The following NOX4 variants were observed in gnomAD, a reference collection of about 807,000 sequenced individuals.
NOX4 encodes the protein NADPH oxidase 4.
Under a neutral mutation model 87.6 loss-of-function variants are expected in NOX4, and 69 were observed. The observed-to-expected ratio is 0.79, with a 90% confidence interval of 0.65 to 0.96. The LOEUF is 0.96. Ranked by LOEUF, NOX4 falls within the 40% of genes least tolerant of loss-of-function variation. NOX4 has a pLI of 0.00. For synonymous variants in NOX4, 275 were observed against 238.2 expected (o/e 1.15, Z -1.42); for missense variants, 680 against 681.5 (o/e 1.00, Z 0.02).
At chr11:89,412,912 T>C (rs1436540611) in intron 8 of NOX4, among the ~76,000 whole-genome samples, 2 of 152,042 alleles carry the variant, frequency 1.3e-5, no homozygotes, top group Non-Finnish European at 2.9e-5. Context: ...TGGGGGAAAA[T>C]ATTTGCAAAC....
chr11:89,357,350 A>C (rs1327453540), intron 12 of NOX4, among the ~76,000 whole-genome samples: 1 of 151,954 alleles, frequency 6.6e-6, no homozygotes, highest in Non-Finnish European at 1.5e-5. Flanking sequence ...CTCGAATTAT[A>C]CTCTTTTAGT....
intron 4 of NOX4, among the ~76,000 whole-genome samples, chr11:89,448,124 A>G (rs944464824): frequency 1.3e-5 from 2 of 152,160 alleles, no homozygotes; most frequent in Admixed American, 6.6e-5. Flanking sequence ...GTAAATTACA[A>G]TTACTAATTC....
chr11:89,447,869 T>A (rs1944776415), intron 4 of NOX4, among the ~76,000 whole-genome samples: 1 of 152,106 alleles, frequency 6.6e-6, no homozygotes. Flanking sequence ...CCTCTCCCCA[T>A]CTAACACCTG....
intron 2 of NOX4, among the ~76,000 whole-genome samples, chr11:89,466,624 A>G (rs1221830039): frequency 6.6e-6 from 1 of 152,230 alleles, no homozygotes; most frequent in African/African-American, 2.4e-5. Flanking sequence ...CTAGGAGTTC[A>G]ATAGTGAACT....
intron 7 of NOX4, among the ~76,000 whole-genome samples, chr11:89,423,145 T>C (rs559965805): frequency 2.6e-5 from 4 of 152,216 alleles, no homozygotes; most frequent in Non-Finnish European, 2.9e-5. Flanking sequence ...AACTGCAAAA[T>C]TAAGGGATAC....
the NOX4 span, among the ~76,000 whole-genome samples, chr11:89,553,101 G>A: frequency 1.3e-5 from 2 of 152,096 alleles, no homozygotes; most frequent in Non-Finnish European, 1.5e-5. Flanking sequence ...ACCCCACACA[G>A]GGTCCTAGTC....
chr11:89,394,198 G>T (rs2135149514), intron 11 of NOX4, among the ~76,000 whole-genome samples: 1 of 152,224 alleles, frequency 6.6e-6, no homozygotes. Flanking sequence ...GAACATAGGT[G>T]AAAAATTCTT....
intron 7 of NOX4, among the ~76,000 whole-genome samples, chr11:89,430,302 G>A (rs891197699): frequency 6.6e-6 from 1 of 152,156 alleles, no homozygotes; most frequent in Non-Finnish European, 1.5e-5. Context: ...ACAAGACAGG[G>A]ATGTCCTCTC....
the NOX4 span, among the ~76,000 whole-genome samples, chr11:89,572,382 A>G: frequency 1.3e-5 from 2 of 152,206 alleles, no homozygotes; most frequent in African/African-American, 4.8e-5. Flanking sequence ...CCTCTAGCTC[A>G]ACTAAATTGT....
the NOX4 span, among the ~76,000 whole-genome samples, chr11:89,532,290 C>G: frequency 6.6e-6 from 1 of 152,180 alleles, no homozygotes; most frequent in Non-Finnish European, 1.5e-5. Flanking sequence ...AAGCTCTACC[C>G]TACAGAGCCA....
intron 7 of NOX4, among the ~76,000 whole-genome samples, chr11:89,426,822 C>T (rs373541263): frequency 1.2e-3 from 189 of 152,256 alleles, no homozygotes; most frequent in South Asian, 9.1e-3. Flanking sequence ...CAAAAGGCAG[C>T]AGAAACCTCT....
At chr11:89,575,928 T>C in the NOX4 span, among the ~76,000 whole-genome samples, 1 of 152,210 alleles carries the variant, frequency 6.6e-6, no homozygotes, top group African/African-American at 2.4e-5. Context: ...AACAAAATTA[T>C]TAGAAAAGTG....
chr11:89,410,854 T>A (rs1942440775), intron 8 of NOX4, among the ~76,000 whole-genome samples: 1 of 152,178 alleles, frequency 6.6e-6, no homozygotes, highest in African/African-American at 2.4e-5. Flanking sequence ...CAGCCAGTGA[T>A]GTGGGTGGCA....
chr11:89,469,633 G>A (rs1048400630), intron 2 of NOX4, among the ~76,000 whole-genome samples: 2 of 152,096 alleles, frequency 1.3e-5, no homozygotes, highest in African/African-American at 4.8e-5. Flanking sequence ...TGCAAGAATG[G>A]GAACCCAAGT....
intron 2 of NOX4, among the ~76,000 whole-genome samples, chr11:89,465,847 TTTAAG>T (rs1299465603): frequency 6.6e-6 from 1 of 151,988 alleles, no homozygotes; most frequent in Non-Finnish European, 1.5e-5. Flanking sequence ...TGTAAATTTG[TTTAAG>T]TTCTTTGTAG....
chr11:89,509,909 A>C, the NOX4 span, among the ~76,000 whole-genome samples: 4 of 152,010 alleles, frequency 2.6e-5, no homozygotes, highest in Non-Finnish European at 5.9e-5. Flanking sequence ...CCTCTATGCC[A>C]GGCACTGCTA....
At chr11:89,499,914 G>A (rs1160317744), upstream of NOX4, among the ~76,000 whole-genome samples, 2 of 152,042 alleles carry the variant, frequency 1.3e-5, no homozygotes, top group Non-Finnish European at 2.9e-5. Context: ...CTTCAATACT[G>A]TGTTACATTG....
At chr11:89,466,800 C>G (rs1450992714) in intron 2 of NOX4, among the ~76,000 whole-genome samples, 1 of 152,100 alleles carries the variant, frequency 6.6e-6, no homozygotes, top group African/African-American at 2.4e-5. Flanking sequence ...ATCAGCAAGC[C>G]TTCCTTGATT....
intron 6 of NOX4, 152 bp downstream of exon 6, chr11:89,440,536 G>T: frequency 2.3e-6 from 1 of 427,198 alleles, no homozygotes; most frequent in Non-Finnish European, 4.3e-6. Flanking sequence ...TGTTGATCAG[G>T]CTGGTTTCGA....
Sources: gnomAD v4.1 joint callset for allele counts (sites outside exome capture counted in the v4.1 genomes callset) on GRCh38, gnomAD v4.1.1 for gene constraint, MANE v1.5 for transcripts, NCBI Gene and HGNC (gene_info 2026-07-23, HGNC 2026-07-21) for gene names.